ZNF676: variants seen among roughly 807,000 people sequenced by gnomAD.
ZNF676 encodes zinc finger protein 676.
A neutral mutation model predicts 6.0 loss-of-function variants in ZNF676; 4 were observed. The observed-to-expected ratio is 0.67, with a 90% CI of 0.33 to 1.53. The LOEUF is 1.53. ZNF676 is among the 40% of genes most tolerant of loss of function. The pLI, the probability that ZNF676 is intolerant of heterozygous loss-of-function variation, is 0.06. For synonymous variants in ZNF676, 198 were observed against 223.1 expected (o/e 0.89, Z 1.00); for missense variants, 644 against 679.7 (o/e 0.95, Z 0.58).
chr19:22,199,495 T>C (rs2024003192), upstream of ZNF676, among the ~76,000 whole-genome samples: 2 of 152,208 alleles, frequency 1.3e-5, no homozygotes, highest in East Asian at 1.9e-4. Flanking sequence ...GATGTTAGAG[T>C]ACTGTGATAG....
chr19:22,218,825 A>G (rs918371819), upstream of ZNF676, among the ~76,000 whole-genome samples: 7 of 152,002 alleles, frequency 4.6e-5, no homozygotes, highest in African/African-American at 1.7e-4. Flanking sequence ...CTTCATATCT[A>G]TTTTTATACC....
At chr19:22,198,656 A>G (rs1226615996), upstream of ZNF676, among the ~76,000 whole-genome samples, 1 of 152,196 alleles carries the variant, frequency 6.6e-6, no homozygotes, top group African/African-American at 2.4e-5. Flanking sequence ...CTGTCACCAC[A>G]TCCACAGGCA....
chr19:22,236,986 G>A, the ZNF676 span, among the ~76,000 whole-genome samples: 1 of 152,180 alleles, frequency 6.6e-6, no homozygotes, highest in African/African-American at 2.4e-5. Flanking sequence ...AGAGACCACG[G>A]TTCCCACTGT....
At chr19:22,226,959 A>C in the ZNF676 span, among the ~76,000 whole-genome samples, 4 of 152,200 alleles carry the variant, frequency 2.6e-5, no homozygotes, top group African/African-American at 9.6e-5. Context: ...TTAGGTTCAA[A>C]TAATAGCATC....
upstream of ZNF676, among the ~76,000 whole-genome samples, chr19:22,198,941 A>G (rs2023998356): frequency 6.6e-6 from 1 of 152,110 alleles, no homozygotes; most frequent in South Asian, 2.1e-4. Context: ...TGAATTCCTC[A>G]TACTTGATTC....
chr19:22,189,650 C>T (rs1250022997), intron 2 of ZNF676, among the ~76,000 whole-genome samples: 4 of 151,780 alleles, frequency 2.6e-5, no homozygotes, highest in African/African-American at 9.7e-5. Context: ...CCAGGATCTA[C>T]AAAGAACTTA....
chr19:22,254,092 C>T, the ZNF676 span, among the ~76,000 whole-genome samples: 4 of 152,184 alleles, frequency 2.6e-5, no homozygotes, highest in Admixed American at 2.0e-4. Flanking sequence ...AGCAGATTCA[C>T]ATCACATAGG....
chr19:22,183,480 A>G (rs894711725), intron 2 of ZNF676, among the ~76,000 whole-genome samples: 1 of 152,074 alleles, frequency 6.6e-6, no homozygotes, highest in Non-Finnish European at 1.5e-5. Context: ...TGGGATTACA[A>G]AAGTCTACCA....
At chr19:22,184,462 GT>G (rs2023804418) in intron 2 of ZNF676, among the ~76,000 whole-genome samples, 1 of 152,092 alleles carries the variant, frequency 6.6e-6, no homozygotes, top group Non-Finnish European at 1.5e-5. Flanking sequence ...AGCTGCAAGA[GT>G]TTTTTCTTTT....
upstream of ZNF676, among the ~76,000 whole-genome samples, chr19:22,219,259 C>T (rs574048713): frequency 9.2e-4 from 140 of 151,784 alleles, 4 homozygotes; most frequent in South Asian, 0.028. Context: ...CCACTGCAAC[C>T]GGCTAATTTT....
At position 22,180,397 on chromosome 19, in the gene ZNF676, C is replaced by G. The variant is rs752044501; in HGVS notation, c.1320G>C (p.Lys440Asn). ...AGGGTTTCTCTCCAGCATGAATTCT[C>G]TTGTGTTCAGTAAGGCTTGAGGACC... ...FSWSSSLTEH[K>N]RIHAGEKPYK... The change falls in exon 3 of 3, where the codon AAG becomes AAC. Residue 440 changes from lysine to asparagine, a missense_variant. By Grantham distance (94) the Lys-to-Asn change is moderately conservative (BLOSUM62 0). This residue lies in a region of ZNF676 where 306 missense variants were observed against 265.4 expected (regional missense o/e 1.15). Coordinates refer to ENST00000397121, the MANE Select transcript of ZNF676 (RefSeq NM_001001411.3). 1.9e-5 allele frequency: 31 copies of G among 1,613,680 alleles called. No individual in the cohort carries two copies. In the Admixed American group the frequency reaches 5.2e-4, roughly 27 times the overall value.
the ZNF676 span, among the ~76,000 whole-genome samples, chr19:22,234,253 G>A: frequency 6.6e-6 from 1 of 152,178 alleles, no homozygotes; most frequent in South Asian, 2.1e-4. Context: ...TGAGGCCATA[G>A]TCTTTTCTTC....
At chr19:22,213,997 A>T (rs1054887894) in intron 1 of ZNF676, among the ~76,000 whole-genome samples, 10 of 152,202 alleles carry the variant, frequency 6.6e-5, no homozygotes, top group Non-Finnish European at 1.5e-4. Flanking sequence ...ACAGAAAACA[A>T]ATCTTTTTAA....
At chr19:22,229,939 A>G in the ZNF676 span, among the ~76,000 whole-genome samples, 1 of 152,176 alleles carries the variant, frequency 6.6e-6, no homozygotes, top group Admixed American at 6.5e-5. Flanking sequence ...AGACAATGTG[A>G]CAATTCCTCA....
chr19:22,252,837 A>G, the ZNF676 span, among the ~76,000 whole-genome samples: 1 of 152,182 alleles, frequency 6.6e-6, no homozygotes, highest in Non-Finnish European at 1.5e-5. Flanking sequence ...AGATGTCACT[A>G]CCCAGTCTGT....
chr19:22,228,350 A>G, the ZNF676 span, among the ~76,000 whole-genome samples: 3 of 152,214 alleles, frequency 2.0e-5, no homozygotes, highest in Non-Finnish European at 4.4e-5. Flanking sequence ...TTGATGGAAC[A>G]TATCTCAAAA....
At chr19:22,236,721 T>C in the ZNF676 span, among the ~76,000 whole-genome samples, 104,573 of 152,098 alleles carry the variant, frequency 0.69, 36,407 homozygotes, top group South Asian at 0.85. Flanking sequence ...TTTTTCCATT[T>C]GACCTAGAAG....
chr19:22,185,908 G>A (rs890580375), intron 2 of ZNF676, among the ~76,000 whole-genome samples: 10 of 151,950 alleles, frequency 6.6e-5, no homozygotes, highest in Admixed American at 4.6e-4. Context: ...CGTTTGATTG[G>A]GGTACCTGAA....
chr19:22,213,040 A>G (rs2024146445), intron 1 of ZNF676, among the ~76,000 whole-genome samples: 1 of 152,174 alleles, frequency 6.6e-6, no homozygotes, highest in Non-Finnish European at 1.5e-5. Flanking sequence ...ATAAGTGAAC[A>G]AATCATTTAA....
Sources: allele counts gnomAD v4.1 joint callset (sites outside exome capture counted in the v4.1 genomes callset), GRCh38; gene constraint gnomAD v4.1.1; regional missense constraint gnomAD v4.1.1; transcripts MANE v1.5; gene names NCBI Gene and HGNC (gene_info 2026-07-23, HGNC 2026-07-21).